Variants in SHROOM3 observed in about 807,000 individuals in gnomAD.
SHROOM3 encodes the protein shroom family member 3, also known as protein Shroom3.
SHROOM3 carries 47 observed loss-of-function variants against 138.6 expected under a neutral mutation model. The ratio of observed to expected loss-of-function variants is 0.34; its 90% confidence interval spans 0.27 to 0.43. The LOEUF (loss-of-function observed/expected upper bound fraction) is 0.43, where lower values mean the gene tolerates loss of function less well. SHROOM3 is among the 20% of genes least tolerant of loss of function. The probability of loss-of-function intolerance (pLI) is 1.00; values close to 1 mark genes in which losing one functional copy is unlikely to be tolerated. For missense variants in SHROOM3, 2,491 were observed against 2,596.5 expected (o/e 0.96, Z 0.88); for synonymous variants, 1,062 against 1,063.3 (o/e 1.00, Z 0.02).
At chr4:76,553,202 G>A (rs189054833) in intron 1 of SHROOM3, among the ~76,000 whole-genome samples, 1 of 152,138 alleles carries the variant, frequency 6.6e-6, no homozygotes, top group Admixed American at 6.6e-5. Context: ...GCCTAGGCTG[G>A]ACTGGAGTGG....
At chr4:76,688,226 A>C (rs1719396025) in intron 2 of SHROOM3, 1 of 228,580 alleles carries the variant, frequency 4.4e-6, no homozygotes, top group African/African-American at 2.3e-5. Flanking sequence ...CATAGGTAAA[A>C]CAAAATACAA....
intron 3 of SHROOM3, among the ~76,000 whole-genome samples, chr4:76,727,853 A>T (rs1720755228): frequency 7.0e-6 from 1 of 142,596 alleles, no homozygotes. Flanking sequence ...GTGCCATTGC[A>T]CTCCAGCCTG....
chr4:76,746,848 G>A (rs1351922959), intron 5 of SHROOM3, among the ~76,000 whole-genome samples: 2 of 149,952 alleles, frequency 1.3e-5, no homozygotes, highest in East Asian at 1.9e-4. Context: ...ACGGAGTCTC[G>A]CTCAGTCACC....
At chr4:76,458,615 A>C (rs1437419393) in intron 1 of SHROOM3, among the ~76,000 whole-genome samples, 2 of 152,108 alleles carry the variant, frequency 1.3e-5, no homozygotes, top group Non-Finnish European at 2.9e-5. Flanking sequence ...TACATTTAAT[A>C]ATTTTATTTT....
chr4:76,514,669 T>C (rs1732408052), intron 1 of SHROOM3, among the ~76,000 whole-genome samples: 1 of 152,214 alleles, frequency 6.6e-6, no homozygotes, highest in Non-Finnish European at 1.5e-5. Context: ...TTTTATGATA[T>C]GCGAATTACA....
In SHROOM3 at chr4:76,739,436, C is replaced by G. The variant is rs141874410; in HGVS notation, c.1263C>G (p.Gly421=). ...GCCGGCCTCAGGCAAACTCTTTAGG[C>G]TCCCTGAAGTCTCCATTCATAGAGG... ...RLCRPQANSL[G]SLKSPFIEEQ... is the part of the protein sequence containing the mutation. The change falls in exon 5 of 11, where the codon GGC becomes GGG. Residue 421 remains glycine (G), a synonymous_variant. Transcript: ENST00000296043. 1 of 1,614,196 alleles carries G rather than the reference C, an allele frequency of 6.2e-7. No individual in the cohort carries two copies. Among genetic ancestry groups the G allele is most frequent in the African/African-American group, 1.3e-5 (1 of 75,060 alleles).
At chr4:76,776,318 C>T (rs970163681) in intron 10 of SHROOM3, among the ~76,000 whole-genome samples, 1 of 151,876 alleles carries the variant, frequency 6.6e-6, no homozygotes, top group Non-Finnish European at 1.5e-5. Flanking sequence ...TTTTTTCTTG[C>T]TGATTTATTT....
At chr4:76,505,321 C>G (rs756366347) in intron 1 of SHROOM3, among the ~76,000 whole-genome samples, 2 of 152,294 alleles carry the variant, frequency 1.3e-5, no homozygotes, top group Middle Eastern at 3.4e-3. Context: ...TCCATTCCTA[C>G]TTTCCTAAGA....
At chr4:76,676,154 T>C (rs1209840048) in intron 2 of SHROOM3, among the ~76,000 whole-genome samples, 1 of 152,162 alleles carries the variant, frequency 6.6e-6, no homozygotes, top group Non-Finnish European at 1.5e-5. Context: ...AGCAGTTTTA[T>C]GACAAGTACC....
At chr4:76,692,354 T>A (rs1719580390) in intron 2 of SHROOM3, among the ~76,000 whole-genome samples, 2 of 152,232 alleles carry the variant, frequency 1.3e-5, no homozygotes, top group African/African-American at 4.8e-5. Flanking sequence ...GAACTGGCGA[T>A]GGGTTCCCTG....
chr4:76,712,333 A>G (rs1359022455), intron 3 of SHROOM3, among the ~76,000 whole-genome samples: 1 of 152,218 alleles, frequency 6.6e-6, no homozygotes, highest in Non-Finnish European at 1.5e-5. Context: ...GGTATGAGGC[A>G]CTTGGGGATA....
At chr4:76,555,547 C>T (rs1196386893) in intron 1 of SHROOM3, 62 bp from the exon 2 acceptor site, 28 of 1,608,218 alleles carry the variant, frequency 1.7e-5, no homozygotes, top group African/African-American at 5.3e-5. Flanking sequence ...TCGGGATAGC[C>T]GGACAGACCC....
chr4:76,770,700 C>T lies in SHROOM3; in HGVS notation c.5424C>T (p.Ile1808=), dbSNP rs1488028464. The T allele has an allele frequency of 8.7e-6, 14 of 1,614,212 alleles. No homozygotes were observed. Among genetic ancestry groups the T allele is most frequent in the Non-Finnish European group, 1.2e-5 (14 of 1,180,046 alleles). ...QEAKGSLLTD[I]KLNNALGEEV... ...CGAAGGGGAGCCTGCTCACGGACATCAAGCTCAACAACGCCCTGGGAGAAG... is the reference window on the plus strand; with the variant it reads ...CGAAGGGGAGCCTGCTCACGGACATTAAGCTCAACAACGCCCTGGGAGAAG... Residue 1808 remains isoleucine (I), a synonymous_variant, in exon 10 of 11, where the codon ATC becomes ATT. Coordinates refer to ENST00000296043, the MANE Select transcript of SHROOM3 (RefSeq NM_020859.4).
chr4:76,496,234 G>A (rs1464074426), intron 1 of SHROOM3, among the ~76,000 whole-genome samples: 1 of 152,220 alleles, frequency 6.6e-6, no homozygotes, highest in Non-Finnish European at 1.5e-5. Flanking sequence ...GCACTGCAGT[G>A]TTAGGGAGCT....
chr4:76,527,967 T>A (rs1732734875), intron 1 of SHROOM3, among the ~76,000 whole-genome samples: 2 of 152,172 alleles, frequency 1.3e-5, no homozygotes, highest in Admixed American at 1.3e-4. Flanking sequence ...GGAGGGTGAA[T>A]GGATATTGGG....
rs1205297373 is a variant in SHROOM3, at chr4:76,741,340, A to T, written c.3167A>T (p.Asp1056Val). The change falls in exon 5 of 11, where the codon GAC becomes GTC. Residue 1056 changes from aspartate to valine, a missense_variant. Around this residue, in one of 4 missense-constraint regions of SHROOM3, gnomAD observed 1,733 missense variants for 1,661.6 expected, o/e 1.04. Coordinates refer to ENST00000296043, the MANE Select transcript of SHROOM3 (RefSeq NM_020859.4). The surrounding 1 kb of genome is among the most constrained non-coding windows in gnomAD (Gnocchi z 6.2). Reference protein sequence around the residue: ...GMRFPESSVADRRRLFERDGK... With the variant: ...GMRFPESSVAVRRRLFERDGK... ...CGTTTCCCGGAGAGCAGCGTGGCCG[A>T]CCGGCGCCGTCTCTTCGAGCGCGAT... The T allele has an allele frequency of 1.5e-5, 24 of 1,610,456 alleles. No individual in the cohort carries two copies. The highest frequency in any genetic ancestry group is 2.7e-5 in the African/African-American group (2 of 74,902).
At chr4:76,597,398 G>T (rs537337683) in intron 2 of SHROOM3, among the ~76,000 whole-genome samples, 1 of 152,292 alleles carries the variant, frequency 6.6e-6, no homozygotes, top group East Asian at 1.9e-4. Context: ...AAATCCCTTG[G>T]AAGGTGGAAA....
At chr4:76,646,867 C>T (rs1735833504) in intron 2 of SHROOM3, among the ~76,000 whole-genome samples, 1 of 152,142 alleles carries the variant, frequency 6.6e-6, no homozygotes, top group South Asian at 2.1e-4. Context: ...ATGGCAATTT[C>T]TCGAAAAACT....
chr4:76,748,181 T>C (rs1721503939), intron 5 of SHROOM3, among the ~76,000 whole-genome samples: 1 of 152,102 alleles, frequency 6.6e-6, no homozygotes, highest in African/African-American at 2.4e-5. Context: ...TCTCAACCAC[T>C]AAACAAAAAC....
Sources: allele counts gnomAD v4.1 joint callset (sites outside exome capture counted in the v4.1 genomes callset), GRCh38; gene constraint gnomAD v4.1.1; regional missense constraint gnomAD v4.1.1; non-coding constraint Gnocchi (gnomAD v3.1); transcripts MANE v1.5; gene names NCBI Gene and HGNC (gene_info 2026-07-23, HGNC 2026-07-21).